ZNF480: variants seen among roughly 807,000 people sequenced by gnomAD.
ZNF480 encodes the protein zinc finger protein 480.
A neutral mutation model predicts 14.4 loss-of-function variants in ZNF480; 15 were observed. The ratio of observed to expected loss-of-function variants is 1.04; its 90% CI spans 0.70 to 1.60. ZNF480 has a LOEUF of 1.60. ZNF480 is among the 40% of genes most tolerant of loss of function. ZNF480 has a pLI of 0.00. For synonymous variants in ZNF480, 218 were observed against 215.5 expected, an observed-to-expected ratio of 1.01 and a Z score of -0.10; for missense variants, 593 against 629.7, an observed-to-expected ratio of 0.94 and a Z score of 0.62.
chr19:52,314,308 G>T (rs1983440784), intron 3 of ZNF480, 29 bp downstream of exon 3: 1 of 1,484,992 alleles, frequency 6.7e-7, no homozygotes. Context: ...CAGAAGCCGG[G>T]ATCTGCCCTT....
intron 2 of ZNF480, chr19:52,301,114 A>G (rs796319941): frequency 1.3e-5 from 2 of 152,734 alleles, no homozygotes; most frequent in African/African-American, 4.8e-5. Context: ...TGTTTTTGCA[A>G]AGTGACAAAG....
intron 2 of ZNF480, among the ~76,000 whole-genome samples, chr19:52,309,494 C>G (rs535987380): frequency 1.3e-5 from 2 of 152,310 alleles, no homozygotes; most frequent in South Asian, 4.1e-4. Context: ...GCTTCCTGAC[C>G]TGGGGCCCTG....
In ZNF480 at chr19:52,321,982, A is replaced by C; in HGVS notation, c.732A>C (p.Ser244=). Reference sequence around the variant, plus strand: ...GCGGCAAGGTCTTTAGTCGCAATTCACACCTTGCAGAACATTGTAGAATTC... The same window carrying C: ...GCGGCAAGGTCTTTAGTCGCAATTCCCACCTTGCAGAACATTGTAGAATTC... The part of the protein sequence containing the change: ...NSCGKVFSRN[S]HLAEHCRIHT... The change falls in exon 5 of 5, where the codon TCA becomes TCC. Residue 244 remains serine, a synonymous_variant. Coordinates refer to ENST00000595962, the MANE Select transcript of ZNF480 (RefSeq NM_144684.4). The C allele has an allele frequency of 6.2e-7, 1 of 1,613,680 alleles. No homozygotes were observed. Among genetic ancestry groups the C allele is most frequent in the Non-Finnish European group, 8.5e-7 (1 of 1,179,846 alleles).
At chr19:52,320,252 T>C (rs1983750668) in intron 4 of ZNF480, among the ~76,000 whole-genome samples, 2 of 152,228 alleles carry the variant, frequency 1.3e-5, no homozygotes, top group South Asian at 4.1e-4. Flanking sequence ...GTTTCCTCCT[T>C]TGTTTAATAT....
intron 2 of ZNF480, among the ~76,000 whole-genome samples, chr19:52,308,143 A>T (rs968444031): frequency 2.6e-5 from 4 of 151,826 alleles, no homozygotes; most frequent in Admixed American, 6.6e-5. Context: ...ATGGTGTTAG[A>T]GCTGTTGGGC....
At position 52,324,981 on chromosome 19, in the gene ZNF480, A is replaced by G. The variant is rs998014252; in HGVS notation, c.*2123A>G. On this transcript the variant is annotated 3_prime_UTR_variant, in exon 5 of 5. Transcript: ENST00000595962. ...CTGCACAGCAAAAGAAGCTATTTGC[A>G]GACTACAGAATGGGAGAAAATGTTT... The G allele has an allele frequency of 6.6e-6, 1 of 152,224 alleles. No individual in the cohort carries two copies. The highest frequency in any genetic ancestry group is 2.4e-5 in the African/African-American group (1 of 41,464). 9.4% of individuals were successfully genotyped at this position (152,224 alleles called of 1,614,324 possible).
intron 1 of ZNF480, among the ~76,000 whole-genome samples, chr19:52,298,621 A>G (rs1039601443): frequency 4.6e-5 from 7 of 151,766 alleles, no homozygotes; most frequent in Admixed American, 1.3e-4. Context: ...ACAAGAGCAA[A>G]ACTCCGTCTC....
At chr19:52,306,322 G>T (rs1027887287) in intron 2 of ZNF480, among the ~76,000 whole-genome samples, 1 of 152,142 alleles carries the variant, frequency 6.6e-6, no homozygotes, top group Non-Finnish European at 1.5e-5. Context: ...CACTTGAAGG[G>T]TATTGTTCCC....
chr19:52,299,258 ACT>A (rs1386463240), intron 1 of ZNF480, among the ~76,000 whole-genome samples: 1 of 152,160 alleles, frequency 6.6e-6, no homozygotes, highest in Non-Finnish European at 1.5e-5. Context: ...AATAGTGAAC[ACT>A]CAACACAGAA....
At chr19:52,308,702 G>A (rs1014035973) in intron 2 of ZNF480, 1 of 152,016 alleles carries the variant, frequency 6.6e-6, no homozygotes, top group Non-Finnish European at 1.5e-5. Context: ...ATCATTCTCA[G>A]CATGTGCCTC....
intron 1 of ZNF480, among the ~76,000 whole-genome samples, chr19:52,299,984 G>A (rs377549841): frequency 6.6e-6 from 1 of 152,222 alleles, no homozygotes; most frequent in Non-Finnish European, 1.5e-5. Context: ...CCATGGATAC[G>A]GGGATTCCAG....
chr19:52,315,532 G>A (rs1015152386), intron 3 of ZNF480, among the ~76,000 whole-genome samples: 2 of 151,630 alleles, frequency 1.3e-5, no homozygotes, highest in African/African-American at 4.8e-5. Flanking sequence ...TGTTGGTCAG[G>A]CTGATCTCGA....
chr19:52,314,347 C>T, intron 3 of ZNF480, 68 bp downstream of exon 3: 2 of 1,389,422 alleles, frequency 1.4e-6, no homozygotes, highest in South Asian at 1.3e-5. Flanking sequence ...CCTTGTGTGC[C>T]TCCTGGGAGC....
rs3810122 is a variant in ZNF480, at chr19:52,297,546, A to G, written c.-20+323A>G. On this transcript the variant is annotated intron_variant, in intron 1 of 4. Transcript: ENST00000595962. Reference sequence around the variant, plus strand: ...TCCCCCGCTAGGCGGATTCCGGTCTATGCGGTCCCCCAAGCCTCGCCTTTG... The same window carrying G: ...TCCCCCGCTAGGCGGATTCCGGTCTGTGCGGTCCCCCAAGCCTCGCCTTTG... Among the ~76,000 whole-genome samples, 339 of 152,222 alleles carry G rather than the reference A, an allele frequency of 2.2e-3. 5 individuals carry two copies. The East Asian group carries it at 0.029, about 13-fold the overall frequency.
intron 3 of ZNF480, among the ~76,000 whole-genome samples, chr19:52,315,446 G>A (rs1233841364): frequency 6.6e-6 from 1 of 151,876 alleles, no homozygotes; most frequent in Non-Finnish European, 1.5e-5. Context: ...TGCTCGAGTA[G>A]CTGGGATTAG....
intron 2 of ZNF480, among the ~76,000 whole-genome samples, chr19:52,306,031 A>G (rs1982912495): frequency 6.6e-6 from 1 of 152,166 alleles, no homozygotes; most frequent in East Asian, 1.9e-4. Flanking sequence ...CAGGAAGTGG[A>G]GTATTTCCTT....
At chr19:52,309,759 C>T (rs1302724633) in intron 2 of ZNF480, among the ~76,000 whole-genome samples, 2 of 152,184 alleles carry the variant, frequency 1.3e-5, no homozygotes, top group Non-Finnish European at 2.9e-5. Context: ...TGAGTGGCTT[C>T]TGGATTTCTC....
chr19:52,307,678 T>C (rs139242458), intron 2 of ZNF480: 84,549 of 151,900 alleles, frequency 0.56, 24,089 homozygotes, highest in Non-Finnish European at 0.62. Flanking sequence ...ATAAGCATTG[T>C]TTCTATAGAT....
chr19:52,321,845 A>C lies in ZNF480; in HGVS notation c.595A>C (p.Arg199=). ...FLPQEQKVHL[R]EKPYECNEHS... ...CCCACAAGAACAGAAAGTACACCTT[A>C]GAGAAAAACCTTATGAATGTAATGA... is the stretch of plus-strand genomic sequence containing the variant. Residue 199 remains arginine, a synonymous_variant, in exon 5 of 5, where the codon AGA becomes CGA. Transcript: ENST00000595962. The C allele has an allele frequency of 6.2e-7, 1 of 1,614,156 alleles. No individual in the cohort carries two copies. Among genetic ancestry groups the C allele is most frequent in the Non-Finnish European group, 8.5e-7 (1 of 1,180,000 alleles).
Sources: gnomAD v4.1 joint callset for allele counts (sites outside exome capture counted in the v4.1 genomes callset) on GRCh38, gnomAD v4.1.1 for gene constraint, MANE v1.5 for transcripts, NCBI Gene and HGNC (gene_info 2026-07-23, HGNC 2026-07-21) for gene names.